The following SH3PXD2A variants were observed in gnomAD, a reference collection of about 807,000 sequenced individuals.
SH3PXD2A encodes SH3 and PX domain-containing protein 2A.
In SH3PXD2A, 32 loss-of-function variants were observed where a neutral mutation model predicts 115.2. The ratio of observed to expected loss-of-function variants is 0.28; its 90% CI spans 0.21 to 0.37. The LOEUF is 0.37. SH3PXD2A is among the 10% of genes least tolerant of loss of function. SH3PXD2A has a pLI of 1.00. For missense variants in SH3PXD2A, 1,328 were observed against 1,498.7 expected (o/e 0.89, Z 1.88); for synonymous variants, 610 against 629.1 (o/e 0.97, Z 0.45).
chr10:103,816,363 TC>T (rs1398641920), intron 1 of SH3PXD2A, among the ~76,000 whole-genome samples: 1 of 152,206 alleles, frequency 6.6e-6, no homozygotes, highest in Non-Finnish European at 1.5e-5. Context: ...AATAGATTTT[TC>T]TCCAAAGAGG....
intron 5 of SH3PXD2A, among the ~76,000 whole-genome samples, chr10:103,717,656 C>T (rs777529215): frequency 4.6e-5 from 7 of 152,208 alleles, no homozygotes; most frequent in Admixed American, 2.6e-4. Context: ...TCCTAGCGTT[C>T]GTTTCAAAGA....
intron 5 of SH3PXD2A, among the ~76,000 whole-genome samples, chr10:103,722,157 A>G (rs2134169892): frequency 6.6e-6 from 1 of 152,106 alleles, no homozygotes; most frequent in Non-Finnish European, 1.5e-5. Flanking sequence ...TACAAAAATT[A>G]GCCAGGTATG....
chr10:103,626,388 G>A (rs748877935), intron 9 of SH3PXD2A, among the ~76,000 whole-genome samples: 19 of 152,164 alleles, frequency 1.2e-4, no homozygotes, highest in Non-Finnish European at 1.8e-4. Flanking sequence ...AAGAATTCCC[G>A]CAGCCAGGCC....
At chr10:103,651,079 GGGTGGCA>G (rs2037112836) in intron 8 of SH3PXD2A, among the ~76,000 whole-genome samples, 1 of 152,218 alleles carries the variant, frequency 6.6e-6, no homozygotes, top group Non-Finnish European at 1.5e-5. Context: ...GAAGGAGAGA[GGGTGGCA>G]GGTGGCAGGT....
chr10:103,814,029 A>C (rs1005951731), intron 1 of SH3PXD2A, among the ~76,000 whole-genome samples: 43 of 151,572 alleles, frequency 2.8e-4, no homozygotes, highest in East Asian at 9.7e-4. Flanking sequence ...CAAAAAAAAA[A>C]CCACACCCTT....
At chr10:103,699,688 G>A (rs766350780) in intron 5 of SH3PXD2A, among the ~76,000 whole-genome samples, 3 of 152,180 alleles carry the variant, frequency 2.0e-5, no homozygotes, top group Non-Finnish European at 4.4e-5. Context: ...GGCCTCCAGA[G>A]GCAGCAACCT....
Position 103,740,120 on chromosome 10 carries a change from G to A in SH3PXD2A, c.230-4312C>T, listed in dbSNP as rs2038428222. Reference sequence around the variant, plus strand: ...GCTAAGCGCTCAGCACACACCTGGTGCACACTAAGAGCTTTTCACTGAATT... The same window carrying A: ...GCTAAGCGCTCAGCACACACCTGGTACACACTAAGAGCTTTTCACTGAATT... On this transcript the variant is annotated intron_variant, in intron 3 of 14. Coordinates refer to ENST00000369774, the MANE Select transcript of SH3PXD2A (RefSeq NM_001394015.1). Among the ~76,000 whole-genome samples the A allele has an allele frequency of 3.3e-5, 5 of 152,328 alleles. No individual in the cohort carries two copies. In the South Asian group the frequency reaches 1.0e-3, roughly 32 times the overall value.
At chr10:103,669,277 A>AC (rs2037426845) in intron 6 of SH3PXD2A, among the ~76,000 whole-genome samples, 1 of 152,182 alleles carries the variant, frequency 6.6e-6, no homozygotes, top group African/African-American at 2.4e-5. Context: ...AAGGACAGGG[A>AC]CCTTGAGTGA....
chr10:103,611,933 C>T (rs766218473), intron 12 of SH3PXD2A, among the ~76,000 whole-genome samples: 3 of 152,162 alleles, frequency 2.0e-5, no homozygotes, highest in Non-Finnish European at 2.9e-5. Context: ...ATAGATTTAT[C>T]AGGTTTTCAA....
At chr10:103,816,866 C>A (rs2039328463) in intron 1 of SH3PXD2A, among the ~76,000 whole-genome samples, 1 of 152,084 alleles carries the variant, frequency 6.6e-6, no homozygotes, top group Non-Finnish European at 1.5e-5. Flanking sequence ...GAGACAGAGT[C>A]TTGCTCTGTC....
chr10:103,830,843 G>T (rs2039476238), intron 1 of SH3PXD2A, among the ~76,000 whole-genome samples: 1 of 152,158 alleles, frequency 6.6e-6, no homozygotes, highest in Admixed American at 6.5e-5. Context: ...AGAGAGGATG[G>T]CTAAGAGGAA....
chr10:103,842,781 G>A (rs575594193), intron 1 of SH3PXD2A, among the ~76,000 whole-genome samples: 2 of 152,254 alleles, frequency 1.3e-5, no homozygotes, highest in African/African-American at 4.8e-5. Context: ...AGCTCTAAAC[G>A]GGCAGGGATT....
chr10:103,707,136 G>A (rs947891773), intron 5 of SH3PXD2A, among the ~76,000 whole-genome samples: 1 of 151,986 alleles, frequency 6.6e-6, no homozygotes, highest in African/African-American at 2.4e-5. Context: ...ACAGAGTCTT[G>A]TACCTAGGAA....
chr10:103,817,031 G>A (rs1589468101), intron 1 of SH3PXD2A, among the ~76,000 whole-genome samples: 2 of 115,736 alleles, frequency 1.7e-5, no homozygotes, highest in African/African-American at 6.3e-5. Context: ...TGTATTTTTA[G>A]TAGAGATGGG....
chr10:103,850,705 T>C (rs1406641029), intron 1 of SH3PXD2A, among the ~76,000 whole-genome samples: 3 of 152,212 alleles, frequency 2.0e-5, no homozygotes, highest in Non-Finnish European at 2.9e-5. Context: ...TCTTGGAGGC[T>C]GGGTGTTTTC....
At chr10:103,656,869 CAG>C (rs1406657878) in intron 8 of SH3PXD2A, among the ~76,000 whole-genome samples, 1 of 150,120 alleles carries the variant, frequency 6.7e-6, no homozygotes, top group South Asian at 2.1e-4. Context: ...GTAAGAGAGA[CAG>C]AGAAGCTGCT....
At chr10:103,631,998 T>C (rs2036787403) in intron 8 of SH3PXD2A, among the ~76,000 whole-genome samples, 2 of 152,202 alleles carry the variant, frequency 1.3e-5, no homozygotes, top group South Asian at 4.2e-4. Flanking sequence ...CCATGTCTCA[T>C]CCTGACACTT....
chr10:103,628,226 A>C (rs1213086015), intron 8 of SH3PXD2A, among the ~76,000 whole-genome samples: 1 of 152,158 alleles, frequency 6.6e-6, no homozygotes, highest in East Asian at 1.9e-4. Flanking sequence ...CAGTCGCGGG[A>C]AGACCTCAAG....
intron 8 of SH3PXD2A, among the ~76,000 whole-genome samples, chr10:103,628,909 C>T (rs1162496219): frequency 6.6e-6 from 1 of 152,192 alleles, no homozygotes; most frequent in East Asian, 1.9e-4. Flanking sequence ...TCAGACTGTC[C>T]GTGCCCGGGC....
Sources: gnomAD v4.1 joint callset for allele counts (sites outside exome capture counted in the v4.1 genomes callset) on GRCh38, gnomAD v4.1.1 for gene constraint, MANE v1.5 for transcripts, NCBI Gene and HGNC (gene_info 2026-07-23, HGNC 2026-07-21) for gene names.